The following IFT140 variants were observed in gnomAD, a reference collection of about 807,000 sequenced individuals.
IFT140 encodes intraflagellar transport protein 140 homolog.
Under a neutral mutation model 164.6 loss-of-function variants are expected in IFT140, and 133 were observed. The observed-to-expected ratio is 0.81, with a 90% CI of 0.70 to 0.93. The LOEUF is 0.93. Ranked by LOEUF, IFT140 falls within the 40% of genes least tolerant of loss-of-function variation. IFT140 has a pLI of 0.00. For synonymous variants in IFT140, 860 were observed against 817.3 expected, an observed-to-expected ratio of 1.05 and a Z score of -0.89; for missense variants, 2,045 against 1,972.3, an observed-to-expected ratio of 1.04 and a Z score of -0.70.
At chr16:1,560,880 G>A (rs1360713229) in intron 18 of IFT140, among the ~76,000 whole-genome samples, 1 of 152,210 alleles carries the variant, frequency 6.6e-6, no homozygotes, top group African/African-American at 2.4e-5. Flanking sequence ...ACAGGAAGAG[G>A]CAGAGAAGAC....
intron 10 of IFT140, among the ~76,000 whole-genome samples, chr16:1,584,706 A>C (rs1326642571): frequency 6.6e-6 from 1 of 152,008 alleles, no homozygotes; most frequent in African/African-American, 2.4e-5. Flanking sequence ...AGTTTTTCTG[A>C]GTGGGACACA....
At chr16:1,604,927 A>G (rs1299211286) in intron 3 of IFT140, among the ~76,000 whole-genome samples, 1 of 151,934 alleles carries the variant, frequency 6.6e-6, no homozygotes, top group East Asian at 1.9e-4. Context: ...AGCAGGAGAT[A>G]TGAGGCAGGG....
chr16:1,606,648 T>C (rs564026587), intron 3 of IFT140, among the ~76,000 whole-genome samples: 35 of 152,260 alleles, frequency 2.3e-4, no homozygotes, highest in Non-Finnish European at 2.4e-4. Context: ...TTAGTAGAGA[T>C]GGGGTTTCTC....
rs1045923210 is a variant in IFT140 at position 1,584,274 on chromosome 16, C to T, written c.1302G>A (p.Thr434=). The change falls in exon 11 of 31, where the codon ACG becomes ACA. Residue 434 remains threonine, a synonymous_variant. Transcript: ENST00000426508. ...PSLLNVCFLS[T]GVAHSLRTDM... ...CGGTGCGCAGGCTGTGTGCGACCCC[C>T]GTGGACAGGAAGCACACATTCAGCA... 16 of 1,613,846 alleles carry T rather than the reference C, an allele frequency of 9.9e-6. No homozygotes were observed. The highest frequency in any genetic ancestry group is 4.0e-5 in the African/African-American group (3 of 75,032).
chr16:1,545,210 G>T (rs898713107), intron 19 of IFT140, among the ~76,000 whole-genome samples: 1 of 152,194 alleles, frequency 6.6e-6, no homozygotes, highest in African/African-American at 2.4e-5. Flanking sequence ...GGATGGTGGC[G>T]GGGGCGGGAC....
rs545658252 is a variant in IFT140 at position 1,524,633 on chromosome 16, G to T, written c.3060C>A (p.Tyr1020Ter). ...LAASYHLARQ[Y>*]ESQEEVGQAV... ...CCTGCCCGACCTCCTCCTGGCTCTC[G>T]TACTGGCGGGCGAGGTGGTAGGAGG... is the stretch of plus-strand genomic sequence containing the variant. Residue 1020 changes from tyrosine (Y) to a stop codon, truncating the protein, a stop_gained, in exon 24 of 31, where the codon TAC becomes TAA. Coordinates refer to ENST00000426508, the MANE Select transcript of IFT140 (RefSeq NM_014714.4). LOFTEE classifies it high-confidence loss of function. 1 of 1,598,324 alleles carries T rather than the reference G, an allele frequency of 6.3e-7. No homozygotes were observed. Among genetic ancestry groups the T allele is most frequent in the African/African-American group, 1.3e-5 (1 of 74,666 alleles).
At chr16:1,554,815 A>G (rs757461337) in intron 19 of IFT140, 9 of 1,613,958 alleles carry the variant, frequency 5.6e-6, no homozygotes, top group South Asian at 1.1e-5. Flanking sequence ...GTGACTTTCT[A>G]CAGAATTGGC....
In IFT140 at chr16:1,568,266, G is replaced by A; in HGVS notation, c.1721C>T (p.Ser574Phe). ...ELVPGVGGIASLRCSSSGSTI... is the reference protein window; with the variant it reads ...ELVPGVGGIAFLRCSSSGSTI... ...GCTCCCGCTGCTGCTGCACCGCAGA[G>A]AAGCGATGCCCCCCACCCCAGGGAC... The change falls in exon 15 of 31, where the codon TCT becomes TTT. Residue 574 changes from serine to phenylalanine, a missense_variant. Transcript: ENST00000426508. 1 of 1,613,096 alleles carries A rather than the reference G, an allele frequency of 6.2e-7. No homozygotes were observed. Among genetic ancestry groups the A allele is most frequent in the Non-Finnish European group, 8.5e-7 (1 of 1,179,798 alleles).
Position 1,525,869 on chromosome 16 carries a change from C to T in IFT140, c.2768+18G>A, listed in dbSNP as rs143663088. 4.5e-4 allele frequency: 681 copies of T among 1,508,180 alleles called. 4 individuals carry two copies. The East Asian group carries it at 0.013, about 29-fold the overall frequency. 93.4% of individuals were successfully genotyped at this position (1,508,180 alleles called of 1,614,324 possible). On this transcript the variant is annotated intron_variant, in intron 21 of 30. Transcript: ENST00000426508. ...CCATCCAGAGAGGCAGGGAAGAGGC[C>T]GCGAGGGCCGCACTCACTAACTGAG...
At position 1,553,260 on chromosome 16, in the gene IFT140, C is replaced by T; in HGVS notation, c.2399+4675G>A. On this transcript the variant is annotated intron_variant, in intron 19 of 30. Transcript: ENST00000426508. The surrounding 1 kb of genome is among the most constrained non-coding windows in gnomAD (Gnocchi z 4.4). ...TGTGTCTGTCTCTGTCTCTCTGTAT[C>T]TCTCTTGGTCTCTGTCTCTCTGTGT... 2 of 977,638 alleles carry T rather than the reference C, an allele frequency of 2.0e-6. No homozygotes were observed. The highest frequency in any genetic ancestry group is 2.4e-6 in the Non-Finnish European group (2 of 822,966). The allele number at this position is 977,638 out of a possible 1,614,324, so 60.6% of individuals were successfully genotyped here. A position where few individuals can be genotyped will look rare whatever the true frequency, so the allele number is the denominator to read the frequency against.
At chr16:1,517,541 G>C (rs905602586) in intron 30 of IFT140, among the ~76,000 whole-genome samples, 3 of 152,154 alleles carry the variant, frequency 2.0e-5, no homozygotes, top group African/African-American at 7.2e-5. Context: ...GCTACAGTTC[G>C]AAAGAATGAT....
chr16:1,533,966 T>C lies in IFT140; in HGVS notation c.2400-7170A>G. On this transcript the variant is annotated intron_variant, in intron 19 of 30. Transcript: ENST00000426508. This position sits in a 1 kb window ranked among gnomAD's most constrained non-coding sequence, Gnocchi z 4.7. ...GAGGCACGCGCGGCACAGGCCGGCCTCCGCTTCCCGGGAAGACGGCGCACT... is the reference window on the plus strand; with the variant it reads ...GAGGCACGCGCGGCACAGGCCGGCCCCCGCTTCCCGGGAAGACGGCGCACT... 2.3e-6 allele frequency: 1 copy of C among 432,072 alleles called. No homozygotes were observed. 26.8% of individuals were successfully genotyped at this position (432,072 alleles called of 1,614,324 possible). A position where few individuals can be genotyped will look rare whatever the true frequency, so the allele number is the denominator to read the frequency against.
intron 12 of IFT140, among the ~76,000 whole-genome samples, chr16:1,581,663 T>C (rs1240583182): frequency 6.8e-6 from 1 of 148,030 alleles, no homozygotes; most frequent in Non-Finnish European, 1.5e-5. Flanking sequence ...ACCTGCTGTG[T>C]TGGTTCTACT....
chr16:1,536,350 GAC>G (rs1438615848), intron 19 of IFT140, among the ~76,000 whole-genome samples: 2 of 152,202 alleles, frequency 1.3e-5, no homozygotes, highest in Non-Finnish European at 2.9e-5. Context: ...AGGCCAGCAG[GAC>G]ACACGAGGCC....
intron 18 of IFT140, 81 bp downstream of exon 18, chr16:1,561,904 G>C (rs938120644): frequency 2.9e-6 from 4 of 1,388,346 alleles, no homozygotes; most frequent in African/African-American, 1.5e-5. Flanking sequence ...TCACATTTCA[G>C]CTCCCTGGGA....
At chr16:1,538,201 G>A (rs2031270648) in intron 19 of IFT140, among the ~76,000 whole-genome samples, 1 of 152,230 alleles carries the variant, frequency 6.6e-6, no homozygotes, top group African/African-American at 2.4e-5. Context: ...GGGTGCCCTT[G>A]TGGTGAGCCA....
At chr16:1,611,532 G>C (rs544787661) in intron 1 of IFT140, among the ~76,000 whole-genome samples, 1 of 146,296 alleles carries the variant, frequency 6.8e-6, no homozygotes, top group South Asian at 2.2e-4. Context: ...ACTGGAATTT[G>C]AGCCGGGCGC....
At chr16:1,516,008 C>T (rs1280935271) in intron 30 of IFT140, among the ~76,000 whole-genome samples, 4 of 151,800 alleles carry the variant, frequency 2.6e-5, no homozygotes, top group South Asian at 2.1e-4. Flanking sequence ...GGCGTGGTGG[C>T]GCATGCCTGT....
At chr16:1,606,013 G>A (rs2142084400) in intron 3 of IFT140, among the ~76,000 whole-genome samples, 1 of 152,322 alleles carries the variant, frequency 6.6e-6, no homozygotes. Flanking sequence ...GGCTGGAGCA[G>A]CGCATCTGCC....
Sources: allele counts gnomAD v4.1 joint callset (sites outside exome capture counted in the v4.1 genomes callset), GRCh38; gene constraint gnomAD v4.1.1; non-coding constraint Gnocchi (gnomAD v3.1); transcripts MANE v1.5; gene names NCBI Gene and HGNC (gene_info 2026-07-23, HGNC 2026-07-21).